ZNF345: variants seen among roughly 807,000 people sequenced by gnomAD.
ZNF345 encodes zinc finger protein 345.
For missense variants in ZNF345, 527 were observed against 589.9 expected (o/e 0.89, Z 1.10); for synonymous variants, 166 against 187.9 (o/e 0.88, Z 0.95).
chr19:36,890,734 T>TA (rs2073042802), intron 3 of ZNF345: 1 of 149,950 alleles, frequency 6.7e-6, no homozygotes, highest in Admixed American at 6.7e-5. Flanking sequence ...CGCATGCCTG[T>TA]AATCCCAACT....
intron 2 of ZNF345, among the ~76,000 whole-genome samples, chr19:36,875,482 T>C (rs182710911): frequency 7.7e-4 from 117 of 152,138 alleles, no homozygotes; most frequent in Admixed American, 4.1e-3. Flanking sequence ...CAGCTTATTG[T>C]TGGGTGGGGG....
At chr19:36,859,092 TA>T (rs11306503) in intron 2 of ZNF345, among the ~76,000 whole-genome samples, 25,281 of 142,646 alleles carry the variant, frequency 0.18, 2,343 homozygotes, top group Non-Finnish European at 0.23. Flanking sequence ...GTCTTCTTTT[TA>T]AAAAAAAAAA....
chr19:36,865,120 G>A lies in ZNF345; in HGVS notation c.-46-11665G>A, dbSNP rs545702878. Among the ~76,000 whole-genome samples, 46 of 152,314 alleles carry A rather than the reference G, an allele frequency of 3.0e-4. No homozygotes were observed. The South Asian group carries it at 9.3e-3, about 31-fold the overall frequency. ...GCAGGAACTGGGTGCTCGGGAAACT[G>A]AATGTGCTGCAGGAGGTGGACCTGG... On this transcript the variant is annotated intron_variant, in intron 2 of 2. Coordinates refer to ENST00000420450, the MANE Select transcript of ZNF345 (RefSeq NM_001242472.2).
At chr19:36,888,533 T>G (rs2146217968) in intron 3 of ZNF345, 1 of 152,266 alleles carries the variant, frequency 6.6e-6, no homozygotes, top group South Asian at 2.1e-4. Context: ...TGCCCCCACC[T>G]TTTAAAAAAG....
intron 2 of ZNF345, among the ~76,000 whole-genome samples, chr19:36,859,647 G>A (rs947741702): frequency 4.0e-5 from 6 of 151,778 alleles, no homozygotes; most frequent in East Asian, 3.9e-4. Context: ...TGTTTACCTC[G>A]TTTCTAGGCT....
downstream of ZNF345, among the ~76,000 whole-genome samples, chr19:36,882,074 A>C (rs1208866737): frequency 6.6e-6 from 1 of 150,818 alleles, no homozygotes; most frequent in East Asian, 1.9e-4. Flanking sequence ...AAAAAACCTT[A>C]TCTGGGTTTT....
At chr19:36,876,509 T>A (rs907786110) in intron 2 of ZNF345, among the ~76,000 whole-genome samples, 1 of 152,166 alleles carries the variant, frequency 6.6e-6, no homozygotes, top group African/African-American at 2.4e-5. Context: ...TAAACTAAAC[T>A]ACTATTTAAA....
chr19:36,870,501 G>T (rs1249731996), intron 2 of ZNF345, among the ~76,000 whole-genome samples: 1 of 151,984 alleles, frequency 6.6e-6, no homozygotes, highest in Non-Finnish European at 1.5e-5. Flanking sequence ...CCTGTTTCTT[G>T]GTTTGGTTCT....
At chr19:36,857,942 A>AT (rs548212718) in intron 2 of ZNF345, among the ~76,000 whole-genome samples, 7 of 150,760 alleles carry the variant, frequency 4.6e-5, no homozygotes, top group South Asian at 2.1e-4. Flanking sequence ...CACCTGGCTA[A>AT]TTTTTTTTTG....
At chr19:36,868,599 A>G (rs1296072867) in intron 2 of ZNF345, among the ~76,000 whole-genome samples, 1 of 149,020 alleles carries the variant, frequency 6.7e-6, no homozygotes, top group African/African-American at 2.5e-5. Flanking sequence ...TTGGGTACCC[A>G]TTGCAGTTCC....
chr19:36,887,189 ACC>A (rs1568364513), intron 3 of ZNF345, among the ~76,000 whole-genome samples: 1,750 of 151,834 alleles, frequency 0.012, 42 homozygotes, highest in African/African-American at 0.04. Flanking sequence ...CACCACCACC[ACC>A]ACCACCAACA....
intron 2 of ZNF345, among the ~76,000 whole-genome samples, chr19:36,872,371 G>GA (rs1600710881): frequency 6.6e-6 from 1 of 152,186 alleles, no homozygotes; most frequent in Non-Finnish European, 1.5e-5. Flanking sequence ...AATGGCAGGT[G>GA]TTTCAGTTAT....
intron 2 of ZNF345, among the ~76,000 whole-genome samples, chr19:36,871,564 T>G (rs2146187925): frequency 6.6e-6 from 1 of 152,302 alleles, no homozygotes; most frequent in East Asian, 1.9e-4. Flanking sequence ...ATAATATTCT[T>G]AAGCATTTTA....
At position 36,877,421 on chromosome 19, in the gene ZNF345, A is replaced by G; in HGVS notation, c.591A>G (p.Thr197=). ...TTATTCGGCATCACAGAATTCACAC[A>G]GGTGAGAAACCTTATGAATGTATAG... is the stretch of plus-strand genomic sequence containing the variant. ...SALIRHHRIH[T]GEKPYECIDC... is the part of the protein sequence containing the mutation. The change falls in exon 3 of 3, where the codon ACA becomes ACG. Residue 197 remains threonine, a synonymous_variant. Coordinates refer to ENST00000420450, the MANE Select transcript of ZNF345 (RefSeq NM_001242472.2). The G allele has an allele frequency of 6.2e-7, 1 of 1,613,108 alleles. No homozygotes were observed. Among genetic ancestry groups the G allele is most frequent in the African/African-American group, 1.3e-5 (1 of 74,700 alleles).
chr19:36,857,928 A>G (rs2072458155), intron 2 of ZNF345, among the ~76,000 whole-genome samples: 1 of 151,978 alleles, frequency 6.6e-6, no homozygotes, highest in African/African-American at 2.4e-5. Flanking sequence ...GGCTCCTGGC[A>G]CAACACCTGG....
At chr19:36,868,206 A>G (rs979315734) in intron 2 of ZNF345, among the ~76,000 whole-genome samples, 72 of 152,054 alleles carry the variant, frequency 4.7e-4, no homozygotes, top group African/African-American at 1.6e-3. Flanking sequence ...GTTTTACCAC[A>G]TTGGCCAAGC....
chr19:36,888,055 A>G (rs563757178), intron 3 of ZNF345: 1 of 152,196 alleles, frequency 6.6e-6, no homozygotes, highest in Admixed American at 6.5e-5. Context: ...TAACCTTAAT[A>G]TATAAAGAAA....
downstream of ZNF345, among the ~76,000 whole-genome samples, chr19:36,882,764 T>G (rs112576795): frequency 1.3e-5 from 2 of 152,226 alleles, no homozygotes; most frequent in Admixed American, 6.5e-5. Context: ...ATTAATTTAT[T>G]ATTTGTGGCC....
chr19:36,875,782 T>C (rs1033464023), intron 2 of ZNF345, among the ~76,000 whole-genome samples: 1 of 152,236 alleles, frequency 6.6e-6, no homozygotes, highest in Admixed American at 6.5e-5. Context: ...GCCGAATGTT[T>C]TCACTTTTTG....
Sources: gnomAD v4.1 joint callset for allele counts (sites outside exome capture counted in the v4.1 genomes callset) on GRCh38, gnomAD v4.1.1 for gene constraint, MANE v1.5 for transcripts, NCBI Gene and HGNC (gene_info 2026-07-23, HGNC 2026-07-21) for gene names.